Variants in GRIK3 observed in about 807,000 individuals in gnomAD.
GRIK3 encodes glutamate receptor ionotropic, kainate 3.
Under a neutral mutation model 102.5 loss-of-function variants are expected in GRIK3, and 29 were observed. The observed-to-expected ratio is 0.28, with a 90% CI of 0.21 to 0.39. GRIK3 has a LOEUF of 0.39. GRIK3 is among the 10% of genes least tolerant of loss of function. GRIK3 has a pLI of 1.00. For missense variants in GRIK3, 908 were observed against 1,252.4 expected, an observed-to-expected ratio of 0.73 and a Z score of 4.15; for synonymous variants, 511 against 504.9, an observed-to-expected ratio of 1.01 and a Z score of -0.16.
chr1:36,982,987 G>A (rs868311479), intron 1 of GRIK3, among the ~76,000 whole-genome samples: 2 of 152,148 alleles, frequency 1.3e-5, no homozygotes, highest in East Asian at 1.9e-4. Context: ...AGCCCTGGCC[G>A]AGCCCAGCCC....
chr1:36,850,087 T>G lies in GRIK3; in HGVS notation c.1326+224A>C. 1 of 523,112 alleles carries G rather than the reference T, an allele frequency of 1.9e-6. No homozygotes were observed. The highest frequency in any genetic ancestry group is 3.4e-6 in the Non-Finnish European group (1 of 292,246). 32.4% of individuals were successfully genotyped at this position (523,112 alleles called of 1,614,324 possible). On this transcript the variant is annotated intron_variant, in intron 9 of 15. Transcript: ENST00000373091. The surrounding 1 kb of genome is among the most constrained non-coding windows in gnomAD (Gnocchi z 4.0). The stretch of plus-strand genomic sequence containing the variant: ...ACTCAGACATCAAGGACTTGGGGAG[T>G]GAGTGGGAGTGAGACACAAAAACGC...
chr1:36,965,017 G>A (rs16823720), intron 1 of GRIK3, among the ~76,000 whole-genome samples: 3,912 of 152,272 alleles, frequency 0.026, 164 homozygotes, highest in African/African-American at 0.089. Context: ...TAGCAGTGCT[G>A]CCTGAGTAAC....
intron 10 of GRIK3, among the ~76,000 whole-genome samples, chr1:36,831,761 T>TTTAA (rs1356643547): frequency 8.5e-5 from 13 of 152,246 alleles, no homozygotes; most frequent in African/African-American, 3.1e-4. Context: ...GAATTTATAC[T>TTTAA]TTAATTGAAT....
chr1:36,821,375 G>C (rs745853812), intron 11 of GRIK3, among the ~76,000 whole-genome samples: 9 of 152,214 alleles, frequency 5.9e-5, no homozygotes, highest in Non-Finnish European at 8.8e-5. Context: ...AGAGCCTTTG[G>C]AGAGCTGGGT....
chr1:36,917,617 C>T (rs954552222), intron 1 of GRIK3, among the ~76,000 whole-genome samples: 24 of 152,326 alleles, frequency 1.6e-4, no homozygotes, highest in African/African-American at 5.8e-4. Flanking sequence ...CCTGCACAAG[C>T]TCTCTTCTCT....
chr1:36,987,668 G>T (rs1642320057), intron 1 of GRIK3, among the ~76,000 whole-genome samples: 1 of 152,134 alleles, frequency 6.6e-6, no homozygotes, highest in African/African-American at 2.4e-5. Flanking sequence ...TGGACTCTTG[G>T]GTGCTTGCAG....
In GRIK3 at chr1:36,867,786, C is replaced by T. The variant is rs895903507; in HGVS notation, c.786+1962G>A. ...GCCCTCGCCACCCACTCTGTCTGCA[C>T]AGGGCTTGTGATTAAACCCCCTCTG... On this transcript the variant is annotated intron_variant, in intron 5 of 15. Transcript: ENST00000373091. Among the ~76,000 whole-genome samples the T allele has an allele frequency of 4.6e-5, 7 of 152,204 alleles. No individual in the cohort carries two copies. The East Asian group carries it at 1.4e-3, about 29-fold the overall frequency.
At chr1:36,962,728 A>T (rs1642027538) in intron 1 of GRIK3, among the ~76,000 whole-genome samples, 1 of 151,932 alleles carries the variant, frequency 6.6e-6, no homozygotes, top group Non-Finnish European at 1.5e-5. Flanking sequence ...AGAGGGACCA[A>T]GCCAGGTGGA....
chr1:37,030,555 C>CG (rs1557470085), intron 1 of GRIK3, among the ~76,000 whole-genome samples: 1 of 139,434 alleles, frequency 7.2e-6, no homozygotes, highest in Non-Finnish European at 1.5e-5. Context: ...CCCTCCCCCC[C>CG]CCCAACACCT....
At chr1:36,808,452 G>A (rs1248528935) in intron 13 of GRIK3, among the ~76,000 whole-genome samples, 3 of 152,320 alleles carry the variant, frequency 2.0e-5, no homozygotes, top group Admixed American at 6.5e-5. Context: ...TACTCTCTCT[G>A]GCTCGTCTCA....
At chr1:36,813,993 G>T (rs1317527763) in intron 13 of GRIK3, among the ~76,000 whole-genome samples, 3 of 152,190 alleles carry the variant, frequency 2.0e-5, no homozygotes, top group Non-Finnish European at 2.9e-5. Context: ...GTGTGGAGTT[G>T]TTGTTTCTGA....
chr1:36,986,474 C>CAG (rs1557452976), intron 1 of GRIK3, among the ~76,000 whole-genome samples: 1,788 of 148,350 alleles, frequency 0.012, 28 homozygotes, highest in African/African-American at 0.043. Flanking sequence ...GCCCATCCAT[C>CAG]CATCCATCCA....
chr1:36,919,085 C>T (rs899103559), intron 1 of GRIK3, among the ~76,000 whole-genome samples: 16 of 152,162 alleles, frequency 1.1e-4, no homozygotes, highest in African/African-American at 3.4e-4. Context: ...TATGGCTTTC[C>T]CAAGGGAGGT....
chr1:36,953,712 C>T (rs958437710), intron 1 of GRIK3, among the ~76,000 whole-genome samples: 6 of 151,998 alleles, frequency 3.9e-5, no homozygotes, highest in East Asian at 3.9e-4. Flanking sequence ...AAGTGGCACC[C>T]GAAGGTGCCA....
intron 1 of GRIK3, among the ~76,000 whole-genome samples, chr1:37,011,221 TCA>T (rs1179381378): frequency 1.3e-5 from 2 of 152,216 alleles, no homozygotes; most frequent in African/African-American, 2.4e-5. Flanking sequence ...TAAAGAAGTC[TCA>T]GTTTTCCCAT....
chr1:36,856,064 G>A lies in GRIK3; in HGVS notation c.1105-2342C>T, dbSNP rs553821272. Among the ~76,000 whole-genome samples, 4 of 152,328 alleles carry A rather than the reference G, an allele frequency of 2.6e-5. No individual in the cohort carries two copies. In the East Asian group the frequency reaches 7.7e-4, roughly 29 times the overall value. ...GGTGCCTAGGGAGCTGGGGACCGAG[G>A]GGTCGGGAACAGAGATTAAAAGATG... On this transcript the variant is annotated intron_variant, in intron 7 of 15. Transcript: ENST00000373091.
intron 1 of GRIK3, among the ~76,000 whole-genome samples, chr1:36,900,210 A>G (rs1641220216): frequency 6.6e-6 from 1 of 152,364 alleles, no homozygotes; most frequent in East Asian, 1.9e-4. Context: ...CTCTTAGACC[A>G]CCGTGGAATT....
intron 1 of GRIK3, among the ~76,000 whole-genome samples, chr1:36,937,579 A>G (rs918931269): frequency 5.9e-5 from 9 of 152,302 alleles, no homozygotes; most frequent in African/African-American, 2.2e-4. Flanking sequence ...CGTGCCTCAC[A>G]TGCCTAAATG....
Position 36,860,012 on chromosome 1 carries a change from G to T in GRIK3, c.792C>A (p.Leu264=). 6.3e-7 allele frequency: 1 copy of T among 1,589,570 alleles called. No homozygotes were observed. Among genetic ancestry groups the T allele is most frequent in the Middle Eastern group, 1.7e-4 (1 of 5,908 alleles). The stretch of plus-strand genomic sequence containing the variant: ...GGTAGGGCTCCAGGTCTAAAGCGTA[G>T]AGATCCTGGATAGAGAGAGGTCTGT... ...YYHFIFTTLD[L]YALDLEPYRY... Residue 264 remains leucine, a synonymous_variant, in exon 6 of 16, where the codon CTC becomes CTA. Coordinates refer to ENST00000373091, the MANE Select transcript of GRIK3 (RefSeq NM_000831.4).
Sources: allele counts gnomAD v4.1 joint callset (sites outside exome capture counted in the v4.1 genomes callset), GRCh38; gene constraint gnomAD v4.1.1; non-coding constraint Gnocchi (gnomAD v3.1); transcripts MANE v1.5; gene names NCBI Gene and HGNC (gene_info 2026-07-23, HGNC 2026-07-21).